Variants in PDHX observed in about 807,000 individuals in gnomAD.
The protein encoded by PDHX is pyruvate dehydrogenase protein X component, mitochondrial.
PDHX carries 33 observed loss-of-function variants against 55.3 expected under a neutral mutation model. The ratio of observed to expected loss-of-function variants is 0.60; its 90% confidence interval spans 0.45 to 0.80. The LOEUF (loss-of-function observed/expected upper bound fraction) is 0.80. Ranked by LOEUF, PDHX falls within the 30% of genes least tolerant of loss-of-function variation. The pLI, the probability that PDHX is intolerant of heterozygous loss-of-function variation, is 0.00. For missense variants in PDHX, 622 were observed against 619.9 expected, an observed-to-expected ratio of 1.00 and a Z score of -0.04; for synonymous variants, 226 against 219.4, an observed-to-expected ratio of 1.03 and a Z score of -0.27.
intron 3 of PDHX, among the ~76,000 whole-genome samples, chr11:34,949,189 G>T (rs899310103): frequency 6.6e-6 from 1 of 152,152 alleles, no homozygotes; most frequent in African/African-American, 2.4e-5. Context: ...TTCACAACAA[G>T]ATGTTGCAAT....
intron 7 of PDHX, among the ~76,000 whole-genome samples, chr11:34,972,871 A>G (rs1181277414): frequency 6.6e-6 from 1 of 152,130 alleles, no homozygotes; most frequent in African/African-American, 2.4e-5. Context: ...CACACTTTAT[A>G]TGATTTCAGT....
At chr11:34,926,951 T>C (rs891951977) in intron 1 of PDHX, among the ~76,000 whole-genome samples, 2 of 152,064 alleles carry the variant, frequency 1.3e-5, no homozygotes, top group Admixed American at 6.6e-5. Flanking sequence ...GTAGCAGAAA[T>C]GGCAGGGAAA....
At chr11:34,944,079 A>ATG (rs3980628) in intron 2 of PDHX, among the ~76,000 whole-genome samples, 3 of 147,756 alleles carry the variant, frequency 2.0e-5, no homozygotes, top group Admixed American at 1.4e-4. Flanking sequence ...TAATACAAAT[A>ATG]TGTGTGTGTG....
chr11:34,959,562 C>T (rs1169619749), intron 4 of PDHX, among the ~76,000 whole-genome samples: 1 of 151,548 alleles, frequency 6.6e-6, no homozygotes, highest in Non-Finnish European at 1.5e-5. Context: ...TTAAAATTAC[C>T]ATATCATCTA....
intron 1 of PDHX, among the ~76,000 whole-genome samples, chr11:34,925,119 C>T (rs573038287): frequency 3.3e-3 from 497 of 152,278 alleles, no homozygotes; most frequent in African/African-American, 0.011. Context: ...ATTTATCTCA[C>T]GGTATGTAAT....
chr11:34,966,827 A>G lies in PDHX; in HGVS notation c.816+13A>G, dbSNP rs1250413174. The stretch of plus-strand genomic sequence containing the variant: ...ACCCAATGCAGTGGTAGTGTTCTCT[A>G]AGTGGATTTTTATTTCTTTTTCTTG... On this transcript the variant is annotated intron_variant, in intron 6 of 10. Coordinates refer to ENST00000227868, the MANE Select transcript of PDHX (RefSeq NM_003477.3). The G allele has an allele frequency of 1.2e-6, 2 of 1,606,860 alleles. No individual in the cohort carries two copies.
Position 34,922,206 on chromosome 11 carries a change from CT to C in PDHX, c.160+5394del, listed in dbSNP as rs113135955. Among the ~76,000 whole-genome samples the C allele has an allele frequency of 5.5e-3, 836 of 152,248 alleles. 12 individuals carry two copies. Among genetic ancestry groups the C allele is most frequent in the African/African-American group, 0.019 (801 of 41,552 alleles). On this transcript the variant is annotated intron_variant, in intron 1 of 10. Coordinates refer to ENST00000227868, the MANE Select transcript of PDHX (RefSeq NM_003477.3). Reference sequence around the variant, plus strand: ...CTTCACTGTGTGAAAAATGTATAGACTTTGGCTAATCAAGGGGATGGGTGTG... The same window carrying C: ...CTTCACTGTGTGAAAAATGTATAGACTTGGCTAATCAAGGGGATGGGTGTG...
rs193153385 is a variant in PDHX at position 34,977,171 on chromosome 11, G to A, written c.965-953G>A. ...TTCTGTAGTCTCCAGGATGCCTTTG[G>A]AATGAGCTGTTATTCACCTAAAATT... On this transcript the variant is annotated intron_variant, in intron 7 of 10. Coordinates refer to ENST00000227868, the MANE Select transcript of PDHX (RefSeq NM_003477.3). 8.3e-4 allele frequency among the ~76,000 whole-genome samples: 126 copies of A among 152,164 alleles called. 1 individual carries two copies. In the East Asian group the frequency reaches 0.015, roughly 18 times the overall value.
intron 2 of PDHX, among the ~76,000 whole-genome samples, chr11:34,941,584 A>T (rs1411709493): frequency 2.6e-5 from 4 of 152,138 alleles, no homozygotes; most frequent in Non-Finnish European, 5.9e-5. Flanking sequence ...ACAGATAAAA[A>T]CTAGCTCTCT....
At chr11:34,934,888 T>C (rs1420584260) in intron 2 of PDHX, among the ~76,000 whole-genome samples, 3 of 151,356 alleles carry the variant, frequency 2.0e-5, no homozygotes, top group African/African-American at 4.9e-5. Context: ...ATAGGAATTA[T>C]TAATTTTAAA....
intron 8 of PDHX, among the ~76,000 whole-genome samples, chr11:34,980,180 C>A (rs1855477329): frequency 1.3e-5 from 2 of 151,152 alleles, no homozygotes; most frequent in Admixed American, 6.6e-5. Context: ...TTTTAACATC[C>A]TCAGTGCCTG....
intron 2 of PDHX, among the ~76,000 whole-genome samples, chr11:34,945,320 A>AT (rs1854596666): frequency 6.6e-6 from 1 of 152,148 alleles, no homozygotes; most frequent in South Asian, 2.1e-4. Context: ...CATTTTAGTA[A>AT]TTTTCACAAT....
intron 2 of PDHX, among the ~76,000 whole-genome samples, chr11:34,943,474 G>A (rs1221442027): frequency 1.3e-5 from 2 of 152,046 alleles, no homozygotes; most frequent in East Asian, 1.9e-4. Context: ...TTAATTGCTG[G>A]GTTTACTAGT....
chr11:34,923,787 G>A (rs1853954296), intron 1 of PDHX, among the ~76,000 whole-genome samples: 1 of 152,330 alleles, frequency 6.6e-6, no homozygotes, highest in South Asian at 2.1e-4. Context: ...AGGATAACAA[G>A]TGTTCAGTAG....
In PDHX at chr11:34,995,298, T is replaced by G; in HGVS notation, c.*126T>G. ...GGATGAAATGTTTATTTATTTAAGG[T>G]GAAAGCATTTGACCCAGGGTGTCTT... On this transcript the variant is annotated 3_prime_UTR_variant, in exon 11 of 11. Transcript: ENST00000227868. 9.4e-7 allele frequency: 1 copy of G among 1,058,578 alleles called. No homozygotes were observed. 65.6% of individuals were successfully genotyped at this position (1,058,578 alleles called of 1,614,324 possible).
intron 9 of PDHX, among the ~76,000 whole-genome samples, chr11:34,985,338 G>A (rs1290126364): frequency 6.6e-6 from 1 of 152,188 alleles, no homozygotes; most frequent in East Asian, 1.9e-4. Context: ...CTACTCGGGA[G>A]GCTGAGGAAC....
intron 2 of PDHX, among the ~76,000 whole-genome samples, chr11:34,937,364 T>A (rs1422949851): frequency 6.6e-6 from 1 of 150,814 alleles, no homozygotes; most frequent in Non-Finnish European, 1.5e-5. Context: ...TCACCAAGTG[T>A]CCCCACATCT....
chr11:34,955,608 TTA>T (rs1472135284), intron 3 of PDHX, among the ~76,000 whole-genome samples: 1 of 152,182 alleles, frequency 6.6e-6, no homozygotes, highest in Non-Finnish European at 1.5e-5. Context: ...TATTTGATAT[TTA>T]GATAATGGTA....
At chr11:34,983,022 C>G (rs1476737285) in intron 8 of PDHX, among the ~76,000 whole-genome samples, 1 of 152,178 alleles carries the variant, frequency 6.6e-6, no homozygotes, top group African/African-American at 2.4e-5. Context: ...CAAACATCCT[C>G]AATAACATAC....
Sources: gnomAD v4.1 joint callset for allele counts (sites outside exome capture counted in the v4.1 genomes callset) on GRCh38, gnomAD v4.1.1 for gene constraint, MANE v1.5 for transcripts, NCBI Gene and HGNC (gene_info 2026-07-23, HGNC 2026-07-21) for gene names.